The following TRPC6 variants were observed in gnomAD, a reference collection of about 807,000 sequenced individuals.
TRPC6 encodes the protein transient receptor potential cation channel subfamily C member 6.
In TRPC6, 55 loss-of-function variants were observed where a neutral mutation model predicts 90.7. The observed-to-expected ratio is 0.61, with a 90% CI of 0.49 to 0.76. The LOEUF (loss-of-function observed/expected upper bound fraction) is 0.76, where lower values mean the gene tolerates loss of function less well. Ranked by LOEUF, TRPC6 falls within the 30% of genes least tolerant of loss-of-function variation. The pLI is 0.00. For synonymous variants in TRPC6, 393 were observed against 393.0 expected (o/e 1.00, Z 0.00); for missense variants, 989 against 1,122.7 (o/e 0.88, Z 1.70).
At chr11:101,482,254 C>A (rs1174950474) in intron 5 of TRPC6, among the ~76,000 whole-genome samples, 1 of 152,228 alleles carries the variant, frequency 6.6e-6, no homozygotes, top group African/African-American at 2.4e-5. Context: ...AACAAAGGCA[C>A]TTAACAGCCA....
chr11:101,503,604 T>C (rs539500268), intron 2 of TRPC6, among the ~76,000 whole-genome samples: 8 of 152,068 alleles, frequency 5.3e-5, no homozygotes, highest in African/African-American at 1.7e-4. Context: ...CATCTATCAC[T>C]GTGCTCTGAA....
intron 2 of TRPC6, 94 bp from the exon 3 acceptor site, chr11:101,491,832 CATTCTTTTTTT>C: frequency 3.7e-5 from 21 of 568,380 alleles, no homozygotes; most frequent in Non-Finnish European, 5.0e-5. Flanking sequence ...TTAAGAGAAA[CATTCTTTTTTT>C]TTTTTTTTTT....
chr11:101,536,406 CA>C (rs200890512), intron 1 of TRPC6, among the ~76,000 whole-genome samples: 133 of 137,090 alleles, frequency 9.7e-4, no homozygotes, highest in South Asian at 2.8e-3. Context: ...CCCTCCCCCC[CA>C]CCAAAAAAAA....
At chr11:101,524,906 A>G (rs1393470648) in intron 1 of TRPC6, among the ~76,000 whole-genome samples, 1 of 152,240 alleles carries the variant, frequency 6.6e-6, no homozygotes, top group African/African-American at 2.4e-5. Context: ...TACAAAATGT[A>G]ATGCTGCTTC....
At chr11:101,472,393 C>T in intron 7 of TRPC6, 61 bp from the exon 8 acceptor site, 1 of 1,494,752 alleles carries the variant, frequency 6.7e-7, no homozygotes, top group Non-Finnish European at 9.1e-7. Context: ...AACAATATTA[C>T]CATAATAAAA....
chr11:101,473,554 A>G lies in TRPC6; in HGVS notation c.1964T>C (p.Leu655Pro). 4 of 1,613,570 alleles carry G rather than the reference A, an allele frequency of 2.5e-6. No homozygotes were observed. The highest frequency in any genetic ancestry group is 3.4e-6 in the Non-Finnish European group (4 of 1,179,656). Reference sequence around the variant, plus strand: ...TTTTGCACCAATGTAGTAGGAGTAGAGATTGAACATTCCAATCATAAAGGC... The same window carrying G: ...TTTTGCACCAATGTAGTAGGAGTAGGGATTGAACATTCCAATCATAAAGGC... ...FVAFMIGMFN[L>P]YSYYIGAKQN... is the part of the protein sequence containing the mutation. Residue 655 changes from leucine (L) to proline (P), a missense_variant, in exon 7 of 13, where the codon CTC (leucine) becomes CCC (proline). Coordinates refer to ENST00000344327, the MANE Select transcript of TRPC6 (RefSeq NM_004621.6).
intron 1 of TRPC6, among the ~76,000 whole-genome samples, chr11:101,540,456 TTGCATTTCC>T (rs1195726197): frequency 2.6e-5 from 4 of 152,208 alleles, no homozygotes; most frequent in African/African-American, 4.8e-5. Context: ...ATTTTATCCT[TTGCATTTCC>T]TGGGCATATG....
intron 1 of TRPC6, among the ~76,000 whole-genome samples, chr11:101,530,850 C>A (rs1860897077): frequency 6.6e-6 from 1 of 152,032 alleles, no homozygotes; most frequent in South Asian, 2.1e-4. Context: ...AAATAGAAAT[C>A]ATAAAAAAGA....
intron 1 of TRPC6, among the ~76,000 whole-genome samples, chr11:101,506,046 G>A (rs1860257021): frequency 6.6e-6 from 1 of 151,186 alleles, no homozygotes; most frequent in African/African-American, 2.4e-5. Flanking sequence ...AGGGGGCTGT[G>A]ATTCTTCCTC....
chr11:101,486,926 AG>A (rs1156602326), intron 4 of TRPC6, among the ~76,000 whole-genome samples: 5 of 152,160 alleles, frequency 3.3e-5, no homozygotes, highest in African/African-American at 4.8e-5. Context: ...ACAGTAAAAT[AG>A]GTTTTGGATA....
At chr11:101,526,488 G>A (rs1247465032) in intron 1 of TRPC6, among the ~76,000 whole-genome samples, 1 of 152,142 alleles carries the variant, frequency 6.6e-6, no homozygotes, top group African/African-American at 2.4e-5. Flanking sequence ...AATCTTTTCA[G>A]ATGTGTTATT....
intron 1 of TRPC6, among the ~76,000 whole-genome samples, chr11:101,580,924 T>C (rs2136905002): frequency 6.6e-6 from 1 of 152,368 alleles, no homozygotes; most frequent in Non-Finnish European, 1.5e-5. Context: ...TAGCTCTTTC[T>C]CATACATCAT....
In TRPC6 at chr11:101,453,718, A is replaced by G; in HGVS notation, c.2576T>C (p.Met859Thr). ...TACATATCTTTTAATGAGCCTTTTC[A>G]TTATTTTCTAGAAAACAGAGAAAGG... ...NNPPRQYQKIMKRLIKRYVLQ... is the reference protein window; with the variant it reads ...NNPPRQYQKITKRLIKRYVLQ... Residue 859 changes from methionine (M) to threonine (T), a missense_variant, in exon 12 of 13, where the codon ATG (methionine) becomes ACG (threonine). By Grantham distance (81) the Met-to-Thr change is moderately conservative. Coordinates refer to ENST00000344327, the MANE Select transcript of TRPC6 (RefSeq NM_004621.6). The G allele has an allele frequency of 6.2e-7, 1 of 1,613,320 alleles. No homozygotes were observed. The highest frequency in any genetic ancestry group is 8.5e-7 in the Non-Finnish European group (1 of 1,179,402).
At chr11:101,457,513 C>T (rs1858911713) in intron 10 of TRPC6, among the ~76,000 whole-genome samples, 1 of 152,068 alleles carries the variant, frequency 6.6e-6, no homozygotes, top group South Asian at 2.1e-4. Flanking sequence ...CACCTATTTC[C>T]CACAAGCAGT....
intron 1 of TRPC6, among the ~76,000 whole-genome samples, chr11:101,509,181 C>A (rs569180720): frequency 6.6e-6 from 1 of 151,318 alleles, no homozygotes; most frequent in Non-Finnish European, 1.5e-5. Flanking sequence ...TTACTATAGC[C>A]GCAACCTCCC....
rs28888669 is a variant in TRPC6 at position 101,570,721 on chromosome 11, C to T, written c.170+12613G>A. ...TGGGATGCAAGGCTGGTTCAACATA[C>T]ACAAATCAATAAATGTAATCCATCA... On this transcript the variant is annotated intron_variant, in intron 1 of 12. Coordinates refer to ENST00000344327, the MANE Select transcript of TRPC6 (RefSeq NM_004621.6). 8.4e-3 allele frequency among the ~76,000 whole-genome samples: 1,282 copies of T among 152,260 alleles called. 24 individuals are homozygous for T. Among genetic ancestry groups the T allele is most frequent in the Non-Finnish European group, 6.2e-3 (420 of 68,014 alleles).
intron 1 of TRPC6, among the ~76,000 whole-genome samples, chr11:101,522,842 C>T (rs1009065133): frequency 6.6e-6 from 1 of 152,124 alleles, no homozygotes; most frequent in Non-Finnish European, 1.5e-5. Flanking sequence ...AGCTTCAGTG[C>T]CAGCATTACA....
Position 101,453,115 on chromosome 11 carries a change from G to C in TRPC6, c.2645-9C>G. ...AATTTCCTTCAGTTCCCCTTTGAAAGCAAGAGTGATAAGAAGTCAACTATA... is the reference window on the plus strand; with the variant it reads ...AATTTCCTTCAGTTCCCCTTTGAAACCAAGAGTGATAAGAAGTCAACTATA... On this transcript the variant is annotated splice_polypyrimidine_tract_variant and intron_variant, in intron 12 of 12. Transcript: ENST00000344327. 6.3e-7 allele frequency: 1 copy of C among 1,594,164 alleles called. No homozygotes were observed. Among genetic ancestry groups the C allele is most frequent in the South Asian group, 1.1e-5 (1 of 90,778 alleles).
At chr11:101,465,494 TC>T (rs1405487309) in intron 10 of TRPC6, among the ~76,000 whole-genome samples, 1 of 152,204 alleles carries the variant, frequency 6.6e-6, no homozygotes, top group African/African-American at 2.4e-5. Context: ...TCCTTTTCAT[TC>T]TTTTTTTTCT....
Sources: allele counts gnomAD v4.1 joint callset (sites outside exome capture counted in the v4.1 genomes callset), GRCh38; gene constraint gnomAD v4.1.1; transcripts MANE v1.5; gene names NCBI Gene and HGNC (gene_info 2026-07-23, HGNC 2026-07-21).